TWF1: variants seen among roughly 807,000 people sequenced by gnomAD.
TWF1 encodes twinfilin-1.
TWF1 carries 14 observed loss-of-function variants against 47.9 expected under a neutral mutation model. The observed-to-expected ratio is 0.29, with a 90% confidence interval of 0.19 to 0.46. The LOEUF is 0.46. Among genes scored for constraint, TWF1 ranks in the 20% least tolerant of loss-of-function variants. The probability of loss-of-function intolerance (pLI) is 1.00; values close to 1 mark genes in which losing one functional copy is unlikely to be tolerated. For missense variants in TWF1, 281 were observed against 409.3 expected, an observed-to-expected ratio of 0.69 and a Z score of 2.70; for synonymous variants, 96 against 139.2, an observed-to-expected ratio of 0.69 and a Z score of 2.18.
chr12:43,795,815 TTTCAGGTA>T, intron 8 of TWF1, 60 bp from the exon 9 acceptor site: 1 of 1,564,602 alleles, frequency 6.4e-7, no homozygotes, highest in Non-Finnish European at 8.7e-7. Context: ...ACAAGCTGGT[TTTCAGGTA>T]TATGAATGCT....
intron 5 of TWF1, among the ~76,000 whole-genome samples, chr12:43,799,075 T>G (rs1172052324): frequency 6.6e-6 from 1 of 152,102 alleles, no homozygotes; most frequent in Non-Finnish European, 1.5e-5. Flanking sequence ...TTCTTTGCAC[T>G]AAATGGGTAA....
chr12:43,805,722 G>T lies in TWF1; in HGVS notation c.25+499C>A. ...TTTCCTATTTGGAGAGAAAATGCGG[G>T]AGAGTTTTGGGAAGCACCCCTACTG... On this transcript the variant is annotated intron_variant, in intron 1 of 8. Transcript: ENST00000395510. 4 of 1,100,432 alleles carry T rather than the reference G, an allele frequency of 3.6e-6. No homozygotes were observed. The South Asian group carries it at 4.9e-5, about 14-fold the overall frequency. 68.2% of individuals were successfully genotyped at this position (1,100,432 alleles called of 1,614,324 possible). A position where few individuals can be genotyped will look rare whatever the true frequency, so the allele number is the denominator to read the frequency against.
chr12:43,799,637 TTTTAC>T (rs1942622644), intron 4 of TWF1, 135 bp from the exon 5 acceptor site: 4 of 516,760 alleles, frequency 7.7e-6, no homozygotes, highest in Non-Finnish European at 1.3e-5. Context: ...TTTAATATCT[TTTTAC>T]TTTTCTTTAA....
chr12:43,795,718 A>G lies in TWF1; in HGVS notation c.920T>C (p.Phe307Ser), dbSNP rs1423254964. 1 of 1,613,946 alleles carries G rather than the reference A, an allele frequency of 6.2e-7. No homozygotes were observed. The highest frequency in any genetic ancestry group is 1.1e-5 in the South Asian group (1 of 91,072). ...CTTGGGATGTACTTCTTCATAAAGG[A>G]AGTCTGCAGTCAACTCATCCCCATT... Reference protein sequence around the residue: ...IDNGDELTADFLYEEVHPKQH... With the variant: ...IDNGDELTADSLYEEVHPKQH... Residue 307 changes from phenylalanine (F) to serine (S), a missense_variant, in exon 9 of 9, where the codon TTC (phenylalanine) becomes TCC (serine). By Grantham distance (155) the Phe-to-Ser change is radical. Transcript: ENST00000395510.
At chr12:43,801,216 A>G (rs1356797925) in intron 3 of TWF1, among the ~76,000 whole-genome samples, 3 of 152,222 alleles carry the variant, frequency 2.0e-5, no homozygotes, top group Non-Finnish European at 2.9e-5. Flanking sequence ...AGTTGTTAAG[A>G]ATCAAAATTC....
At chr12:43,803,334 C>T (rs1170613064) in intron 2 of TWF1, among the ~76,000 whole-genome samples, 1 of 152,012 alleles carries the variant, frequency 6.6e-6, no homozygotes, top group Non-Finnish European at 1.5e-5. Context: ...ATTGTAGTTG[C>T]CCCAGGGTAA....
Position 43,795,611 on chromosome 12 carries a change from C to G in TWF1, c.1027G>C (p.Ala343Pro), listed in dbSNP as rs1239315985. ...TAATCAGTAGTAGCTTCAGTTTCCGCTGGGCCCCTAATTAGTCTTCGAATT... is the reference window on the plus strand; with the variant it reads ...TAATCAGTAGTAGCTTCAGTTTCCGGTGGGCCCCTAATTAGTCTTCGAATT... ...RGIRRLIRGP[A>P]ETEATTD The change falls in exon 9 of 9, where the codon GCG becomes CCG. Residue 343 changes from alanine (A) to proline (P), a missense_variant. Physicochemically the swap from Ala to Pro is conservative, Grantham distance 27 (BLOSUM62 -1). Coordinates refer to ENST00000395510, the MANE Select transcript of TWF1 (RefSeq NM_002822.5). 2 of 1,612,154 alleles carry G rather than the reference C, an allele frequency of 1.2e-6. No homozygotes were observed. Among genetic ancestry groups the G allele is most frequent in the Non-Finnish European group, 1.7e-6 (2 of 1,179,840 alleles).
Position 43,802,340 on chromosome 12 carries a change from C to T in TWF1, c.228G>A (p.Gln76=), listed in dbSNP as rs1942676259. The T allele has an allele frequency of 6.3e-7, 1 of 1,592,364 alleles. No individual in the cohort carries two copies. Residue 76 remains glutamine (Q), a synonymous_variant, in exon 3 of 9, where the codon CAG becomes CAA. Coordinates refer to ENST00000395510, the MANE Select transcript of TWF1 (RefSeq NM_002822.5). ...PCYILFRLDS[Q]NAQGYEWIFI... Reference sequence around the variant, plus strand: ...ATATCCATTCATATCCCTGGGCATTCTGAGAATCTAACCTGAATAATATAT... The same window carrying T: ...ATATCCATTCATATCCCTGGGCATTTTGAGAATCTAACCTGAATAATATAT...
rs1228434638 is a variant in TWF1, at chr12:43,797,715, A to G, written c.602T>C (p.Val201Ala). ...EKLNNRQLNY[V>A]QLEIDIKNEI... is the part of the protein sequence containing the mutation. ...TCATTATACATCTCTTACCAACTGC[A>G]CATAGTTGAGCTGTCTATTATTCAA... The change falls in exon 6 of 9, where the codon GTG (valine) becomes GCG (alanine). Residue 201 changes from valine (V) to alanine (A), a missense_variant. Coordinates refer to ENST00000395510, the MANE Select transcript of TWF1 (RefSeq NM_002822.5). The G allele has an allele frequency of 1.9e-6, 3 of 1,611,744 alleles. No homozygotes were observed. The African/African-American group carries it at 4.0e-5, about 22-fold the overall frequency.
intron 5 of TWF1, among the ~76,000 whole-genome samples, chr12:43,799,186 C>A (rs2138136947): frequency 1.3e-5 from 2 of 152,100 alleles, no homozygotes; most frequent in South Asian, 4.2e-4. Context: ...ATAGGAAAAG[C>A]TATTTATAAA....
rs572256931 is a variant in TWF1, at chr12:43,806,126, C to G, written c.25+95G>C. ...CCGCGAGACCGACTTCCGGAGCTCC[C>G]GGCCCGACTCCAGCCCTGCCGGTCC... is the stretch of plus-strand genomic sequence containing the variant. On this transcript the variant is annotated intron_variant, in intron 1 of 8. Coordinates refer to ENST00000395510, the MANE Select transcript of TWF1 (RefSeq NM_002822.5). 397 of 1,526,712 alleles carry G rather than the reference C, an allele frequency of 2.6e-4. 1 individual carries two copies. The African/African-American group carries it at 4.9e-3, about 19-fold the overall frequency. 94.6% of individuals were successfully genotyped at this position (1,526,712 alleles called of 1,614,324 possible). A position where few individuals can be genotyped will look rare whatever the true frequency, so the allele number is the denominator to read the frequency against.
At chr12:43,805,652 A>C (rs1206656120) in intron 1 of TWF1, 1 of 629,674 alleles carries the variant, frequency 1.6e-6, no homozygotes, top group Non-Finnish European at 2.6e-6. Context: ...GAAAAAGATC[A>C]AAACACACGC....
intron 2 of TWF1, among the ~76,000 whole-genome samples, chr12:43,803,525 C>T (rs1565702039): frequency 6.6e-6 from 1 of 151,996 alleles, no homozygotes; most frequent in Non-Finnish European, 1.5e-5. Context: ...TTTCACAAAA[C>T]AAAAAAGTAA....
Position 43,795,755 on chromosome 12 carries a change from T to C in TWF1, c.883A>G (p.Ile295Val). The change falls in exon 9 of 9, where the codon ATC becomes GTC. Residue 295 changes from isoleucine to valine, a missense_variant and splice_region_variant. Transcript: ENST00000395510. ...AACTCATCCCCATTGTCTATCTCGA[T>C]CTGTAAAAGATAAAATTAGAAGCAC... is the stretch of plus-strand genomic sequence containing the variant. ...RQLQMDVIRKIEIDNGDELTA... is the reference protein window; with the variant it reads ...RQLQMDVIRKVEIDNGDELTA... 1 of 1,613,056 alleles carries C rather than the reference T, an allele frequency of 6.2e-7. No individual in the cohort carries two copies. The highest frequency in any genetic ancestry group is 2.2e-5 in the East Asian group (1 of 44,858).
chr12:43,804,562 A>G lies in TWF1; in HGVS notation c.36T>C (p.Asp12=). ...SHQTGIQASE[D]VKEIFARARN... is the part of the protein sequence containing the mutation. ...TGGCTCTGGCAAAGATCTCTTTAACATCTTCACTTGCTGTGGAAAAAGATA... is the reference window on the plus strand; with the variant it reads ...TGGCTCTGGCAAAGATCTCTTTAACGTCTTCACTTGCTGTGGAAAAAGATA... Residue 12 remains aspartate (D), a synonymous_variant, in exon 2 of 9, where the codon GAT becomes GAC. Coordinates refer to ENST00000395510, the MANE Select transcript of TWF1 (RefSeq NM_002822.5). 1 of 1,598,498 alleles carries G rather than the reference A, an allele frequency of 6.3e-7. No homozygotes were observed. The highest frequency in any genetic ancestry group is 8.5e-7 in the Non-Finnish European group (1 of 1,173,230).
At chr12:43,796,593 A>T (rs184537461) in intron 8 of TWF1, among the ~76,000 whole-genome samples, 2 of 152,130 alleles carry the variant, frequency 1.3e-5, no homozygotes, top group African/African-American at 4.8e-5. Context: ...AATAATCACA[A>T]GTATGCAGCT....
chr12:43,802,244 T>C lies in TWF1; in HGVS notation c.282+42A>G, dbSNP rs189941053. The stretch of plus-strand genomic sequence containing the variant: ...GACCTAGAAATTTCAAAAACATTTT[T>C]CTAGCATTTAATGTTAAACAAACTA... On this transcript the variant is annotated intron_variant, in intron 3 of 8. Transcript: ENST00000395510. 61 of 1,343,350 alleles carry C rather than the reference T, an allele frequency of 4.5e-5. No homozygotes were observed. The African/African-American group carries it at 8.1e-4, about 18-fold the overall frequency. 83.2% of individuals were successfully genotyped at this position (1,343,350 alleles called of 1,614,324 possible). A position where few individuals can be genotyped will look rare whatever the true frequency, so the allele number is the denominator to read the frequency against.
At chr12:43,798,686 A>C (rs1052587337) in intron 5 of TWF1, 1 of 1,242,460 alleles carries the variant, frequency 8.0e-7, no homozygotes, top group African/African-American at 1.5e-5. Context: ...AATATGATAG[A>C]TCCTTGCTAC....
intron 8 of TWF1, 71 bp from the exon 9 acceptor site, chr12:43,795,826 T>C (rs1342370049): frequency 2.0e-6 from 3 of 1,480,370 alleles, no homozygotes; most frequent in Non-Finnish European, 2.8e-6. Flanking sequence ...TTCAGGTATA[T>C]GAATGCTCAC....
Sources: allele counts gnomAD v4.1 joint callset (sites outside exome capture counted in the v4.1 genomes callset), GRCh38; gene constraint gnomAD v4.1.1; transcripts MANE v1.5; gene names NCBI Gene and HGNC (gene_info 2026-07-23, HGNC 2026-07-21).